XRN2: variants seen among roughly 807,000 people sequenced by gnomAD.
XRN2 encodes the protein DHM1-like protein.
XRN2 carries 44 observed loss-of-function variants against 138.5 expected under a neutral mutation model. The observed-to-expected ratio is 0.32, with a 90% CI of 0.25 to 0.41. The LOEUF is 0.41. XRN2 is among the 10% of genes least tolerant of loss of function. XRN2 has a pLI of 1.00. For missense variants in XRN2, 937 were observed against 1,169.3 expected (o/e 0.80, Z 2.90); for synonymous variants, 354 against 369.4 (o/e 0.96, Z 0.48).
intron 27 of XRN2, among the ~76,000 whole-genome samples, chr20:21,375,829 T>TTTTATTTATTTATTTA (rs1555788112): frequency 1.6e-4 from 22 of 135,974 alleles, no homozygotes; most frequent in African/African-American, 5.4e-4. Context: ...TTTATTTATT[T>TTTTATTTATTTATTTA]TTTATTTATT....
chr20:21,382,256 A>T (rs372141096), intron 28 of XRN2, among the ~76,000 whole-genome samples, 199 bp downstream of exon 28: 1 of 152,298 alleles, frequency 6.6e-6, no homozygotes, highest in Admixed American at 6.5e-5. Flanking sequence ...ATACTTTCTT[A>T]CTTTTCTTGG....
chr20:21,355,466 CTT>C (rs2038564630), intron 21 of XRN2, among the ~76,000 whole-genome samples: 1 of 152,110 alleles, frequency 6.6e-6, no homozygotes, highest in African/African-American at 2.4e-5. Flanking sequence ...TTAGAACAAT[CTT>C]TTCATCAAAT....
intron 29 of XRN2, 70 bp downstream of exon 29, chr20:21,387,076 T>C: frequency 6.5e-7 from 1 of 1,531,876 alleles, no homozygotes; most frequent in South Asian, 1.3e-5. Flanking sequence ...GACTCCGTAT[T>C]TTCTTACCAA....
intron 21 of XRN2, 82 bp downstream of exon 21, chr20:21,354,954 C>T (rs1451271221): frequency 1.8e-6 from 2 of 1,127,752 alleles, no homozygotes; most frequent in East Asian, 5.6e-5. Context: ...CTTCCTTCTC[C>T]TGTTTGTCAG....
intron 27 of XRN2, among the ~76,000 whole-genome samples, chr20:21,376,976 C>T (rs1226487974): frequency 6.6e-6 from 1 of 151,802 alleles, no homozygotes; most frequent in East Asian, 1.9e-4. Flanking sequence ...CATAAAAGCT[C>T]AAAAAAGAGT....
At chr20:21,322,401 C>G (rs2122190725) in intron 1 of XRN2, among the ~76,000 whole-genome samples, 1 of 152,264 alleles carries the variant, frequency 6.6e-6, no homozygotes, top group East Asian at 1.9e-4. Flanking sequence ...TAAAATATCA[C>G]CCATGGTTTG....
At chr20:21,320,732 C>CT (rs1436753150) in intron 1 of XRN2, among the ~76,000 whole-genome samples, 48 of 152,174 alleles carry the variant, frequency 3.2e-4, no homozygotes, top group African/African-American at 1.1e-3. Context: ...GTAGCTGGGG[C>CT]TACAGGCATG....
At chr20:21,383,944 A>G (rs1319167177) in intron 28 of XRN2, among the ~76,000 whole-genome samples, 1 of 152,200 alleles carries the variant, frequency 6.6e-6, no homozygotes, top group Non-Finnish European at 1.5e-5. Flanking sequence ...GACATTTAAG[A>G]AAGATACCAT....
rs377253872 is a variant in XRN2, at chr20:21,380,459, A to T, written c.2585-1535A>T. Among the ~76,000 whole-genome samples the T allele has an allele frequency of 2.6e-5, 4 of 152,184 alleles. No individual in the cohort carries two copies. In the East Asian group the frequency reaches 7.7e-4, roughly 29 times the overall value. ...ATTGCTATTATTGTAAGAACTTCTT[A>T]CTTTTATCTCTTCAGAAAATTGATT... On this transcript the variant is annotated intron_variant, in intron 27 of 29. Coordinates refer to ENST00000377191, the MANE Select transcript of XRN2 (RefSeq NM_012255.5).
At chr20:21,308,786 A>G (rs933753443) in intron 1 of XRN2, among the ~76,000 whole-genome samples, 1 of 152,146 alleles carries the variant, frequency 6.6e-6, no homozygotes, top group East Asian at 1.9e-4. Context: ...TTTACTTCTT[A>G]ACAGTGTCTT....
intron 13 of XRN2, among the ~76,000 whole-genome samples, 157 bp downstream of exon 13, chr20:21,334,342 T>C (rs956622104): frequency 8.5e-5 from 13 of 152,238 alleles, no homozygotes; most frequent in African/African-American, 3.1e-4. Flanking sequence ...GATTATTTTA[T>C]AAAGGTTGTG....
chr20:21,332,534 A>C (rs1020221813), intron 9 of XRN2, 94 bp downstream of exon 9: 1 of 1,266,484 alleles, frequency 7.9e-7, no homozygotes, highest in Non-Finnish European at 1.1e-6. Context: ...ACCATTTTAA[A>C]GTATACAATT....
At chr20:21,331,689 A>G (rs2038211845) in intron 7 of XRN2, 56 bp downstream of exon 7, 1 of 1,596,040 alleles carries the variant, frequency 6.3e-7, no homozygotes, top group Non-Finnish European at 8.5e-7. Context: ...AAGCCATTGC[A>G]TAGAAAATAC....
At chr20:21,375,520 AT>A (rs1410428101) in intron 27 of XRN2, among the ~76,000 whole-genome samples, 1 of 151,062 alleles carries the variant, frequency 6.6e-6, no homozygotes, top group Non-Finnish European at 1.5e-5. Flanking sequence ...AGTTCATGGT[AT>A]TTTCTGATTT....
chr20:21,371,576 G>C (rs1296975021), intron 27 of XRN2, among the ~76,000 whole-genome samples: 1 of 152,232 alleles, frequency 6.6e-6, no homozygotes, highest in Non-Finnish European at 1.5e-5. Context: ...CAACAGGAGA[G>C]TCTAATCATT....
intron 24 of XRN2, among the ~76,000 whole-genome samples, chr20:21,358,063 G>T (rs144458219): frequency 2.3e-3 from 345 of 152,276 alleles, no homozygotes; most frequent in African/African-American, 8.2e-3. Context: ...CAAGTGGGAG[G>T]TAAAGAGTAG....
At chr20:21,326,183 C>A in intron 1 of XRN2, 96 bp from the exon 2 acceptor site, 1 of 1,235,658 alleles carries the variant, frequency 8.1e-7, no homozygotes, top group East Asian at 2.4e-5. Context: ...GTTTTATTTC[C>A]AGTTCAGAAA....
chr20:21,386,880 T>C lies in XRN2; in HGVS notation c.2661T>C (p.Ala887=), dbSNP rs956872122. Reference sequence around the variant, plus strand: ...TACTTTCCTACAGAGGCGTTGGGGCTGAACCTCTGCTCCCATGGAACCGGA... The same window carrying C: ...TACTTTCCTACAGAGGCGTTGGGGCCGAACCTCTGCTCCCATGGAACCGGA... The part of the protein sequence containing the change: ...QQQRFDRGVG[A]EPLLPWNRML... The change falls in exon 29 of 30, where the codon GCT becomes GCC. Residue 887 remains alanine, a synonymous_variant. Coordinates refer to ENST00000377191, the MANE Select transcript of XRN2 (RefSeq NM_012255.5). The C allele has an allele frequency of 1.9e-6, 3 of 1,612,922 alleles. No individual in the cohort carries two copies. In the East Asian group the frequency reaches 6.7e-5, roughly 36 times the overall value.
intron 17 of XRN2, 37 bp downstream of exon 17, chr20:21,346,587 A>G: frequency 1.9e-6 from 3 of 1,586,050 alleles, no homozygotes; most frequent in South Asian, 1.1e-5. Flanking sequence ...TTTGTAGTTA[A>G]TCATTTAAGA....
Sources: allele counts gnomAD v4.1 joint callset (sites outside exome capture counted in the v4.1 genomes callset), GRCh38; gene constraint gnomAD v4.1.1; transcripts MANE v1.5; gene names NCBI Gene and HGNC (gene_info 2026-07-23, HGNC 2026-07-21).